CCDC171: variants seen among roughly 807,000 people sequenced by gnomAD.
CCDC171 encodes coiled-coil domain containing 171.
Under a neutral mutation model 168.2 loss-of-function variants are expected in CCDC171, and 177 were observed. The ratio of observed to expected loss-of-function variants is 1.05; its 90% CI spans 0.93 to 1.19. The LOEUF is 1.19. Among genes scored for constraint, CCDC171 ranks in the 50% most tolerant of loss-of-function variants. The pLI, the probability that CCDC171 is intolerant of heterozygous loss-of-function variation, is 0.00. For missense variants in CCDC171, 1,991 were observed against 1,539.0 expected, an observed-to-expected ratio of 1.29 and a Z score of -4.91; for synonymous variants, 687 against 540.8, an observed-to-expected ratio of 1.27 and a Z score of -3.75.
chr9:15,574,220 C>T lies in CCDC171; in HGVS notation c.177+2461C>T, dbSNP rs540086197. Among the ~76,000 whole-genome samples, 6 of 152,112 alleles carry T rather than the reference C, an allele frequency of 3.9e-5. No individual in the cohort carries two copies. In the South Asian group the frequency reaches 1.2e-3, roughly 32 times the overall value. ...AGTACAGTGGTGCTATCTTGGCTCA[C>T]TGCAACCTCTGCCTCCCAGGTTCAA... On this transcript the variant is annotated intron_variant, in intron 3 of 25. Transcript: ENST00000380701.
intron 6 of CCDC171, among the ~76,000 whole-genome samples, chr9:15,595,602 G>T (rs200513786): frequency 1.3e-5 from 2 of 152,174 alleles, no homozygotes; most frequent in East Asian, 3.9e-4. Context: ...AGTGCCTCAA[G>T]AAACATACAT....
chr9:15,637,697 T>C (rs201670946), intron 7 of CCDC171, among the ~76,000 whole-genome samples: 14 of 143,818 alleles, frequency 9.7e-5, no homozygotes, highest in Admixed American at 4.5e-4. Flanking sequence ...TCAGTTCCCA[T>C]CTATGAGTGA....
intron 10 of CCDC171, among the ~76,000 whole-genome samples, chr9:15,684,770 T>C (rs1339303121): frequency 1.3e-5 from 2 of 152,114 alleles, no homozygotes. Flanking sequence ...CATTTTTCTT[T>C]CTGGTTAAAG....
intron 7 of CCDC171, 49 bp downstream of exon 7, chr9:15,623,462 T>TA: frequency 2.1e-6 from 1 of 486,744 alleles, no homozygotes; most frequent in African/African-American, 4.6e-5. Context: ...AACTTTCACA[T>TA]ATGCGCGCGC....
chr9:15,725,023 C>G (rs1297155120), intron 14 of CCDC171, 47 bp downstream of exon 14: 5 of 1,360,570 alleles, frequency 3.7e-6, no homozygotes, highest in Non-Finnish European at 5.3e-6. Context: ...TTTCACTAAT[C>G]TCAGTGTTAT....
chr9:16,000,655 C>A (rs1015155211), intron 3 of CCDC171, among the ~76,000 whole-genome samples: 5 of 151,834 alleles, frequency 3.3e-5, no homozygotes, highest in Admixed American at 6.6e-5. Context: ...CTGTAGATAT[C>A]TTTTGACTCC....
chr9:16,108,492 C>T, the CCDC171 span, among the ~76,000 whole-genome samples: 3 of 152,106 alleles, frequency 2.0e-5, no homozygotes, highest in Non-Finnish European at 2.9e-5. Flanking sequence ...TGCTCTGTGC[C>T]GCCCATAGGC....
At chr9:15,630,675 C>T (rs1268867410) in intron 7 of CCDC171, among the ~76,000 whole-genome samples, 2 of 152,152 alleles carry the variant, frequency 1.3e-5, no homozygotes, top group Admixed American at 1.3e-4. Flanking sequence ...ACCAAGCAGA[C>T]CTAATAGACA....
chr9:15,911,083 A>G (rs1823561589), intron 24 of CCDC171, among the ~76,000 whole-genome samples: 1 of 152,168 alleles, frequency 6.6e-6, no homozygotes, highest in Admixed American at 6.5e-5. Context: ...GCTGGGTCAA[A>G]TGGTATTTCT....
At chr9:15,920,484 T>A (rs893582296) in intron 25 of CCDC171, 62 bp downstream of exon 25, 1 of 1,172,402 alleles carries the variant, frequency 8.5e-7, no homozygotes, top group East Asian at 2.4e-5. Flanking sequence ...TTTACATTTA[T>A]GTTTTTAATG....
At position 16,054,190 on chromosome 9, in the gene CCDC171, C is replaced by T. The variant is rs79523395; in HGVS notation, n.90-6456C>T. On this transcript the variant is annotated intron_variant and non_coding_transcript_variant, in intron 1 of 1. Transcript: ENST00000478913. ...GCAGCTAGACCATGGCCAGAGGGAG[C>T]GAAGGGAGTTGCCCATTCAGGGATC... is the stretch of plus-strand genomic sequence containing the variant. Among the ~76,000 whole-genome samples, 182 of 152,270 alleles carry T rather than the reference C, an allele frequency of 1.2e-3. 4 individuals carry two copies. The East Asian group carries it at 0.031, about 26-fold the overall frequency.
intron 21 of CCDC171, among the ~76,000 whole-genome samples, chr9:15,837,825 A>G (rs1321512311): frequency 6.6e-6 from 1 of 152,216 alleles, no homozygotes; most frequent in African/African-American, 2.4e-5. Context: ...GCACGATGGG[A>G]AAGCCGGTAC....
chr9:15,845,866 A>G (rs945142770), intron 21 of CCDC171, among the ~76,000 whole-genome samples: 1 of 152,124 alleles, frequency 6.6e-6, no homozygotes, highest in Non-Finnish European at 1.5e-5. Context: ...ACTGAGGTCT[A>G]GAAAATACTT....
At chr9:16,051,684 A>T (rs1833752693) in intron 1 of CCDC171, among the ~76,000 whole-genome samples, 1 of 152,234 alleles carries the variant, frequency 6.6e-6, no homozygotes, top group African/African-American at 2.4e-5. Context: ...AGTAATTTGA[A>T]TCCAGAGTTC....
At chr9:15,798,023 C>T (rs190013961) in intron 21 of CCDC171, among the ~76,000 whole-genome samples, 53 of 152,114 alleles carry the variant, frequency 3.5e-4, no homozygotes, top group African/African-American at 1.3e-3. Flanking sequence ...TTTGCTAATT[C>T]CACATTGTTT....
intron 24 of CCDC171, among the ~76,000 whole-genome samples, chr9:15,890,288 G>T (rs900384578): frequency 6.6e-6 from 1 of 152,110 alleles, no homozygotes; most frequent in Non-Finnish European, 1.5e-5. Context: ...TTGCCCTTTA[G>T]AGATGAATGA....
chr9:16,077,703 A>G, the CCDC171 span, among the ~76,000 whole-genome samples: 1 of 152,132 alleles, frequency 6.6e-6, no homozygotes, highest in Non-Finnish European at 1.5e-5. Context: ...GTAAGAGGGG[A>G]AAAAAAGCCT....
At chr9:15,963,256 C>T (rs956021406) in intron 25 of CCDC171, among the ~76,000 whole-genome samples, 1 of 151,940 alleles carries the variant, frequency 6.6e-6, no homozygotes, top group Non-Finnish European at 1.5e-5. Context: ...GGGTGCAGCA[C>T]ACCATCATGG....
intron 23 of CCDC171, among the ~76,000 whole-genome samples, chr9:15,852,808 T>A (rs1162572234): frequency 6.6e-6 from 1 of 151,568 alleles, no homozygotes; most frequent in Non-Finnish European, 1.5e-5. Flanking sequence ...ATCCAATTAT[T>A]CCAGCACCAT....
Sources: gnomAD v4.1 joint callset for allele counts (sites outside exome capture counted in the v4.1 genomes callset) on GRCh38, gnomAD v4.1.1 for gene constraint, MANE v1.5 for transcripts, NCBI Gene and HGNC (gene_info 2026-07-23, HGNC 2026-07-21) for gene names.